The following UCHL1 variants were observed in gnomAD, a reference collection of about 807,000 sequenced individuals.
The protein encoded by UCHL1 is ubiquitin C-terminal hydrolase L1.
UCHL1 carries 5 observed loss-of-function variants against 33.3 expected under a neutral mutation model. The observed-to-expected ratio is 0.15, with a 90% CI of 0.08 to 0.32. The LOEUF (loss-of-function observed/expected upper bound fraction) is 0.32, where lower values mean the gene tolerates loss of function less well. Ranked by LOEUF, UCHL1 falls within the 10% of genes least tolerant of loss-of-function variation. The probability of loss-of-function intolerance (pLI) is 1.00; values close to 1 mark genes in which losing one functional copy is unlikely to be tolerated. For synonymous variants in UCHL1, 132 were observed against 108.8 expected, an observed-to-expected ratio of 1.21 and a Z score of -1.33; for missense variants, 236 against 280.0, an observed-to-expected ratio of 0.84 and a Z score of 1.12.
intron 3 of UCHL1, among the ~76,000 whole-genome samples, chr4:41,260,342 G>C (rs544143501): frequency 6.6e-6 from 1 of 152,316 alleles, no homozygotes; most frequent in African/African-American, 2.4e-5. Context: ...TTCTGACTTC[G>C]TGACACCATT....
chr4:41,267,653 A>G (rs548631456), intron 8 of UCHL1, among the ~76,000 whole-genome samples: 2 of 152,284 alleles, frequency 1.3e-5, no homozygotes, highest in South Asian at 2.1e-4. Flanking sequence ...AGAAAGATCA[A>G]TTTCCAATCT....
In UCHL1 at chr4:41,268,039, G is replaced by T; in HGVS notation, c.638G>T (p.Arg213Leu). The change falls in exon 9 of 9, where the codon CGC becomes CTC. Residue 213 changes from arginine to leucine, a missense_variant. Coordinates refer to ENST00000284440, the MANE Select transcript of UCHL1 (RefSeq NM_004181.5). ...EFTEREQGEV[R>L]FSAVALCKAA ...ACCGAGCGTGAGCAAGGAGAAGTCCGCTTCTCTGCCGTGGCTCTCTGCAAG... is the reference window on the plus strand; with the variant it reads ...ACCGAGCGTGAGCAAGGAGAAGTCCTCTTCTCTGCCGTGGCTCTCTGCAAG... 6.2e-7 allele frequency: 1 copy of T among 1,613,594 alleles called. No homozygotes were observed. The highest frequency in any genetic ancestry group is 8.5e-7 in the Non-Finnish European group (1 of 1,179,836).
intron 4 of UCHL1, 77 bp downstream of exon 4, chr4:41,260,874 G>C: frequency 3.1e-6 from 5 of 1,599,638 alleles, no homozygotes; most frequent in Non-Finnish European, 3.4e-6. Flanking sequence ...GTTTTCCCGA[G>C]GTCAGAGATG....
At chr4:41,261,607 T>G in intron 4 of UCHL1, 108 bp from the exon 5 acceptor site, 1 of 1,192,818 alleles carries the variant, frequency 8.4e-7, no homozygotes, top group Non-Finnish European at 1.2e-6. Context: ...GGAGGCAGTA[T>G]TAAAGATTCA....
chr4:41,263,446 TATC>T (rs1248730582), intron 7 of UCHL1, among the ~76,000 whole-genome samples, 155 bp downstream of exon 7: 3 of 152,350 alleles, frequency 2.0e-5, no homozygotes, highest in East Asian at 1.9e-4. Flanking sequence ...CTTAACCCCT[TATC>T]ATCCCCAGAG....
At chr4:41,258,571 A>G (rs142729415) in intron 3 of UCHL1, among the ~76,000 whole-genome samples, 1 of 152,180 alleles carries the variant, frequency 6.6e-6, no homozygotes, top group African/African-American at 2.4e-5. Flanking sequence ...TCATTAGCGC[A>G]TGGCATTGTC....
At chr4:41,257,795 T>TGA in intron 3 of UCHL1, 58 bp downstream of exon 3, 1 of 1,527,946 alleles carries the variant, frequency 6.5e-7, no homozygotes, top group Non-Finnish European at 8.8e-7. Flanking sequence ...CTCCCCAGCT[T>TGA]GAGTCCTCGG....
chr4:41,257,515 C>A (rs1459488088), intron 2 of UCHL1, 94 bp from the exon 3 acceptor site: 6 of 1,359,058 alleles, frequency 4.4e-6, no homozygotes, highest in Non-Finnish European at 5.6e-6. Context: ...CGGGTGCGGG[C>A]GCGGAGGGCG....
intron 2 of UCHL1, 51 bp downstream of exon 2, chr4:41,257,177 G>T (rs765917759): frequency 6.2e-7 from 1 of 1,610,968 alleles, no homozygotes; most frequent in South Asian, 1.1e-5. Context: ...GAGCGCCGAG[G>T]CGGGGGCGCC....
At chr4:41,262,701 C>G (rs774144029) in intron 6 of UCHL1, among the ~76,000 whole-genome samples, 1 of 151,790 alleles carries the variant, frequency 6.6e-6, no homozygotes, top group African/African-American at 2.4e-5. Context: ...GATCTTGGCT[C>G]ACTGCAGCAA....
intron 8 of UCHL1, among the ~76,000 whole-genome samples, chr4:41,266,966 T>C (rs960505998): frequency 2.6e-5 from 4 of 152,224 alleles, no homozygotes; most frequent in African/African-American, 4.8e-5. Context: ...TTCTGTATCA[T>C]AGAGCATTCC....
intron 2 of UCHL1, 74 bp from the exon 3 acceptor site, chr4:41,257,535 T>C (rs1780998530): frequency 7.2e-7 from 1 of 1,398,396 alleles, no homozygotes; most frequent in Non-Finnish European, 9.2e-7. Flanking sequence ...GCGCGCCTCC[T>C]GGCCCCGCCC....
intron 4 of UCHL1, 92 bp from the exon 5 acceptor site, chr4:41,261,623 C>A: frequency 7.2e-7 from 1 of 1,383,296 alleles, no homozygotes; most frequent in Non-Finnish European, 1.0e-6. Context: ...ATTCAGGTTG[C>A]TCAGCATGTT....
At position 41,257,757 on chromosome 4, in the gene UCHL1, A is replaced by T. The variant is rs1781004790; in HGVS notation, c.174+20A>T. On this transcript the variant is annotated intron_variant, in intron 3 of 8. Coordinates refer to ENST00000284440, the MANE Select transcript of UCHL1 (RefSeq NM_004181.5). ...GCCCAGGTAGGGCGTGGGGCCCAGGATGCGCCGGCCGCCGGCAGTGCACGC... is the reference window on the plus strand; with the variant it reads ...GCCCAGGTAGGGCGTGGGGCCCAGGTTGCGCCGGCCGCCGGCAGTGCACGC... 12 of 1,559,620 alleles carry T rather than the reference A, an allele frequency of 7.7e-6. No individual in the cohort carries two copies. In the South Asian group the frequency reaches 1.3e-4, roughly 17 times the overall value.
At chr4:41,265,312 C>T (rs189000108) in intron 8 of UCHL1, among the ~76,000 whole-genome samples, 19 of 152,368 alleles carry the variant, frequency 1.2e-4, no homozygotes, top group African/African-American at 4.3e-4. Flanking sequence ...GGTGCAGTGG[C>T]TCATGCCTAT....
At position 41,260,629 on chromosome 4, in the gene UCHL1, C is replaced by T. The variant is rs79021365; in HGVS notation, c.175-18C>T. ...GCACTTTCATTCTGAGATGTAAAAA[C>T]GCTTTTTACATTCGCAGCATGAGAA... On this transcript the variant is annotated intron_variant, in intron 3 of 8. Coordinates refer to ENST00000284440, the MANE Select transcript of UCHL1 (RefSeq NM_004181.5). The T allele has an allele frequency of 5.5e-4, 882 of 1,614,058 alleles. 5 individuals are homozygous for T. In the African/African-American group the frequency reaches 0.01, roughly 18 times the overall value.
chr4:41,259,654 T>C (rs1284556435), intron 3 of UCHL1, among the ~76,000 whole-genome samples: 4 of 152,348 alleles, frequency 2.6e-5, no homozygotes, highest in African/African-American at 9.6e-5. Flanking sequence ...TTGCTCGTTA[T>C]GGGAAATCAG....
At chr4:41,262,731 C>CGAGTA (rs1266947654) in intron 6 of UCHL1, among the ~76,000 whole-genome samples, 1 of 152,024 alleles carries the variant, frequency 6.6e-6, no homozygotes, top group Non-Finnish European at 1.5e-5. Context: ...CTCAGCCTCC[C>CGAGTA]GAGTAGCTGG....
chr4:41,267,127 CTT>C (rs1781166233), intron 8 of UCHL1, among the ~76,000 whole-genome samples: 1 of 152,158 alleles, frequency 6.6e-6, no homozygotes, highest in African/African-American at 2.4e-5. Context: ...TGTTACCAGT[CTT>C]TGTCATCTAG....
Sources: gnomAD v4.1 joint callset for allele counts (sites outside exome capture counted in the v4.1 genomes callset) on GRCh38, gnomAD v4.1.1 for gene constraint, MANE v1.5 for transcripts, NCBI Gene and HGNC (gene_info 2026-07-23, HGNC 2026-07-21) for gene names.